PTPRN2: variants seen among roughly 807,000 people sequenced by gnomAD.
PTPRN2 encodes the protein protein tyrosine phosphatase receptor type N2.
In PTPRN2, 74 loss-of-function variants were observed where a neutral mutation model predicts 118.8. The ratio of observed to expected loss-of-function variants is 0.62; its 90% CI spans 0.52 to 0.76. The LOEUF (loss-of-function observed/expected upper bound fraction) is 0.76. PTPRN2 is among the 30% of genes least tolerant of loss of function. PTPRN2 has a pLI of 0.00. For synonymous variants in PTPRN2, 641 were observed against 608.0 expected, an observed-to-expected ratio of 1.05 and a Z score of -0.80; for missense variants, 1,481 against 1,394.4, an observed-to-expected ratio of 1.06 and a Z score of -0.99.
intron 2 of PTPRN2, among the ~76,000 whole-genome samples, chr7:158,450,593 C>T (rs535343603): frequency 6.6e-6 from 1 of 152,342 alleles, no homozygotes; most frequent in East Asian, 1.9e-4. Flanking sequence ...CTCACGGCCG[C>T]GCCTGCCTCT....
At chr7:158,239,555 G>A (rs963946585) in intron 3 of PTPRN2, among the ~76,000 whole-genome samples, 14 of 152,192 alleles carry the variant, frequency 9.2e-5, no homozygotes, top group Admixed American at 1.3e-4. Context: ...CAATGGGGAC[G>A]TGGCTTTGTC....
intron 12 of PTPRN2, among the ~76,000 whole-genome samples, chr7:157,802,009 G>A (rs921604389): frequency 4.6e-5 from 7 of 152,144 alleles, no homozygotes; most frequent in Non-Finnish European, 8.8e-5. Flanking sequence ...ACTTCTCGGC[G>A]TGCAGCTCCT....
At chr7:157,658,672 G>A (rs1332052717) in intron 13 of PTPRN2, among the ~76,000 whole-genome samples, 4 of 152,200 alleles carry the variant, frequency 2.6e-5, no homozygotes, top group Non-Finnish European at 4.4e-5. Context: ...CAACAATCTC[G>A]TTTTGAAAGT....
chr7:158,140,779 C>A (rs983092028), intron 6 of PTPRN2, among the ~76,000 whole-genome samples: 1 of 152,208 alleles, frequency 6.6e-6, no homozygotes, highest in African/African-American at 2.4e-5. Context: ...TGTCCACCTG[C>A]GGTCTGCGCA....
chr7:157,683,578 T>C (rs1263554), intron 12 of PTPRN2, among the ~76,000 whole-genome samples: 67,801 of 151,446 alleles, frequency 0.45, 15,471 homozygotes, highest in East Asian at 0.61. Context: ...TTGCCACCTA[T>C]GCACCTACGT....
intron 5 of PTPRN2, among the ~76,000 whole-genome samples, chr7:158,178,769 T>C (rs1347481571): frequency 6.6e-6 from 1 of 151,906 alleles, no homozygotes; most frequent in Non-Finnish European, 1.5e-5. Context: ...GGCTAATTTT[T>C]TGTATTTTTA....
intron 2 of PTPRN2, among the ~76,000 whole-genome samples, chr7:158,373,690 G>A (rs1355581188): frequency 3.3e-5 from 5 of 152,174 alleles, no homozygotes; most frequent in African/African-American, 7.2e-5. Context: ...ACTGCAGTGC[G>A]GCCAGTTCCC....
intron 12 of PTPRN2, chr7:157,862,585 C>G (rs978261995): frequency 6.6e-6 from 1 of 152,240 alleles, no homozygotes; most frequent in African/African-American, 2.4e-5. Flanking sequence ...ACATTTGTTA[C>G]CTTGCTTTAA....
intron 15 of PTPRN2, among the ~76,000 whole-genome samples, chr7:157,613,436 C>T (rs911396642): frequency 7.2e-5 from 11 of 152,200 alleles, no homozygotes; most frequent in African/African-American, 2.4e-4. Flanking sequence ...CAGCGTGTTG[C>T]GCCTCCCGCG....
At chr7:158,111,333 G>C (rs1816254205) in intron 9 of PTPRN2, among the ~76,000 whole-genome samples, 3 of 152,182 alleles carry the variant, frequency 2.0e-5, no homozygotes, top group African/African-American at 7.2e-5. Flanking sequence ...CTACCCAATG[G>C]AAGTGTGAGC....
intron 3 of PTPRN2, among the ~76,000 whole-genome samples, chr7:158,277,819 G>A (rs1447491604): frequency 6.6e-6 from 1 of 152,204 alleles, no homozygotes; most frequent in Admixed American, 6.5e-5. Flanking sequence ...CCTCCCACCT[G>A]GGGAGAGGAA....
intron 10 of PTPRN2, among the ~76,000 whole-genome samples, chr7:158,100,586 T>C (rs1815153519): frequency 6.6e-6 from 1 of 152,210 alleles, no homozygotes; most frequent in Non-Finnish European, 1.5e-5. Flanking sequence ...TTTTTGATTA[T>C]ATCCAATCTT....
At chr7:157,762,765 AAG>A (rs936096175) in intron 12 of PTPRN2, among the ~76,000 whole-genome samples, 17 of 152,204 alleles carry the variant, frequency 1.1e-4, no homozygotes, top group African/African-American at 3.9e-4. Context: ...AAAGAGAAAA[AAG>A]AAAAAACTTT....
rs562171727 is a variant in PTPRN2, at chr7:157,784,412, G to A, written c.1789-101475C>T. Among the ~76,000 whole-genome samples the A allele has an allele frequency of 1.3e-5, 2 of 152,296 alleles. No homozygotes were observed. Among genetic ancestry groups the A allele is most frequent in the African/African-American group, 4.8e-5 (2 of 41,574 alleles). The stretch of plus-strand genomic sequence containing the variant: ...GAGGAGGTGCTCCTAGCAAGATGCC[G>A]ACCTGCAGCAGCGCCCACAAGGCTC... On this transcript the variant is annotated intron_variant, in intron 12 of 22. Transcript: ENST00000389418. This position sits in a 1 kb window ranked among gnomAD's most constrained non-coding sequence, Gnocchi z 4.6.
chr7:158,446,668 G>C (rs1331465970), intron 2 of PTPRN2, among the ~76,000 whole-genome samples: 1 of 152,272 alleles, frequency 6.6e-6, no homozygotes, highest in African/African-American at 2.4e-5. Flanking sequence ...AGATTACTTG[G>C]TTGATGAGAA....
At chr7:158,487,666 G>C (rs1347498265) in intron 2 of PTPRN2, among the ~76,000 whole-genome samples, 1 of 152,088 alleles carries the variant, frequency 6.6e-6, no homozygotes, top group Non-Finnish European at 1.5e-5. Context: ...TTCTAGACTC[G>C]CAGCCGCCCC....
In PTPRN2 at chr7:158,526,822, G is replaced by GTGC. The variant is rs1824816529; in HGVS notation, c.113-37040_113-37038dup. On this transcript the variant is annotated intron_variant, in intron 1 of 22. Transcript: ENST00000389418. The surrounding 1 kb of genome is among the most constrained non-coding windows in gnomAD (Gnocchi z 5.2). ...GGCCTCTGGGGGAACCTGCCCTGCC[G>GTGC]TGCTCTCATCTTGGACTTTCGGCCT... Among the ~76,000 whole-genome samples, 1 of 152,080 alleles carries GTGC rather than the reference G, an allele frequency of 6.6e-6. No homozygotes were observed. Among genetic ancestry groups the GTGC allele is most frequent in the Admixed American group, 6.6e-5 (1 of 15,266 alleles).
At chr7:157,593,768 G>A (rs952679922) in intron 17 of PTPRN2, among the ~76,000 whole-genome samples, 1 of 152,114 alleles carries the variant, frequency 6.6e-6, no homozygotes, top group Non-Finnish European at 1.5e-5. Flanking sequence ...GGGCCCCAGG[G>A]TGCCATCTTC....
intron 3 of PTPRN2, among the ~76,000 whole-genome samples, chr7:158,280,067 A>C (rs1799317327): frequency 6.7e-6 from 1 of 149,688 alleles, no homozygotes; most frequent in African/African-American, 2.5e-5. Context: ...CCCAAACTGC[A>C]CCAAGACACA....
Sources: allele counts gnomAD v4.1 joint callset (sites outside exome capture counted in the v4.1 genomes callset), GRCh38; gene constraint gnomAD v4.1.1; non-coding constraint Gnocchi (gnomAD v3.1); transcripts MANE v1.5; gene names NCBI Gene and HGNC (gene_info 2026-07-23, HGNC 2026-07-21).